CP: variants seen among roughly 807,000 people sequenced by gnomAD.
The protein encoded by CP is ceruloplasmin.
Under a neutral mutation model 122.4 loss-of-function variants are expected in CP, and 64 were observed. The ratio of observed to expected loss-of-function variants is 0.52; its 90% CI spans 0.43 to 0.64. The LOEUF is 0.64. CP is among the 30% of genes least tolerant of loss of function. The pLI is 0.00. For missense variants in CP, 1,167 were observed against 1,284.4 expected (o/e 0.91, Z 1.40); for synonymous variants, 440 against 436.4 (o/e 1.01, Z -0.10).
chr3:149,169,634 C>T (rs774609098), downstream of CP, among the ~76,000 whole-genome samples: 1 of 152,162 alleles, frequency 6.6e-6, no homozygotes, highest in Non-Finnish European at 1.5e-5. Flanking sequence ...TTATAACAAA[C>T]AAAAATGTCT....
chr3:149,183,356 A>G lies in CP; in HGVS notation c.2425+110T>C, dbSNP rs191173132. ...TAATTTTTAAATTTTTATTTGAACA[A>G]CTTTGATATATGAACCAAGAAAATG... On this transcript the variant is annotated intron_variant, in intron 13 of 18. Coordinates refer to ENST00000264613, the MANE Select transcript of CP (RefSeq NM_000096.4). 4.1e-3 allele frequency: 4,630 copies of G among 1,134,200 alleles called. 17 individuals are homozygous for G. Among genetic ancestry groups the G allele is most frequent in the Non-Finnish European group, 5.5e-3 (4,284 of 775,906 alleles). 70.3% of individuals were successfully genotyped at this position (1,134,200 alleles called of 1,614,324 possible). A position where few individuals can be genotyped will look rare whatever the true frequency, so the allele number is the denominator to read the frequency against.
At chr3:149,203,602 G>A (rs942825345) in intron 6 of CP, among the ~76,000 whole-genome samples, 9 of 152,184 alleles carry the variant, frequency 5.9e-5, no homozygotes, top group Non-Finnish European at 1.0e-4. Context: ...ACATGACATC[G>A]CAACAAAGTT....
downstream of CP, chr3:149,172,360 A>G (rs1049481742): frequency 7.4e-6 from 5 of 674,006 alleles, no homozygotes; most frequent in Admixed American, 9.1e-5. Context: ...ACACACATAT[A>G]TGATACAAAT....
At chr3:149,193,486 T>C (rs1273839402) in intron 9 of CP, among the ~76,000 whole-genome samples, 3 of 152,188 alleles carry the variant, frequency 2.0e-5, no homozygotes, top group Non-Finnish European at 4.4e-5. Context: ...ATAAAGCAAA[T>C]TGCAAACAAT....
chr3:149,185,195 C>T, intron 12 of CP, 44 bp downstream of exon 12: 2 of 1,601,884 alleles, frequency 1.2e-6, no homozygotes. Flanking sequence ...AAAAGGAAAC[C>T]TAAAATTACT....
chr3:149,184,445 A>T (rs778111539), intron 12 of CP, among the ~76,000 whole-genome samples: 4 of 152,200 alleles, frequency 2.6e-5, no homozygotes, highest in Non-Finnish European at 5.9e-5. Context: ...CTGCTGTCAA[A>T]CAGGTAACCA....
chr3:149,172,274 A>C, downstream of CP: 2 of 1,520,960 alleles, frequency 1.3e-6, no homozygotes, highest in Non-Finnish European at 1.8e-6. Flanking sequence ...ATTTCTAAAA[A>C]TTGAATGCCA....
At chr3:149,172,233 T>C (rs2108199278), downstream of CP, 1 of 1,611,130 alleles carries the variant, frequency 6.2e-7, no homozygotes, top group Admixed American at 1.7e-5. Context: ...AGGTATCATT[T>C]GAAAAATACC....
intron 6 of CP, among the ~76,000 whole-genome samples, chr3:149,202,783 A>T (rs1576766995): frequency 6.9e-6 from 1 of 144,336 alleles, no homozygotes; most frequent in African/African-American, 2.6e-5. Context: ...AATTTTTTGT[A>T]TTTCTTTAGT....
intron 4 of CP, among the ~76,000 whole-genome samples, chr3:149,166,385 T>C (rs1019612973): frequency 6.6e-6 from 1 of 152,096 alleles, no homozygotes; most frequent in Admixed American, 6.5e-5. Flanking sequence ...AAACAAAGAG[T>C]AGGCTTTGTT....
rs757188910 is a variant in CP, at chr3:149,207,499, G to A, written c.900C>T (p.His300=). Residue 300 remains histidine, a synonymous_variant, in exon 5 of 19, where the codon CAC becomes CAT. Coordinates refer to ENST00000264613, the MANE Select transcript of CP (RefSeq NM_000096.4). ...AGTTCTTGTTAGTCAGTGCTTGCCC[G>A]TGAAAGAAAGCTGCGTGCACATCAA... is the stretch of plus-strand genomic sequence containing the variant. ...NEVDVHAAFF[H]GQALTNKNYR... is the part of the protein sequence containing the mutation. 9.9e-6 allele frequency: 16 copies of A among 1,613,858 alleles called. No homozygotes were observed. The East Asian group carries it at 1.6e-4, about 16-fold the overall frequency.
intron 13 of CP, 127 bp from the exon 14 acceptor site, chr3:149,182,260 T>C: frequency 9.7e-7 from 1 of 1,028,690 alleles, no homozygotes; most frequent in Non-Finnish European, 1.5e-6. Flanking sequence ...GGATTTATAC[T>C]GCGTCCCAGG....
intron 6 of CP, 24 bp from the exon 7 acceptor site, chr3:149,202,265 A>G (rs1247392585): frequency 4.3e-6 from 7 of 1,613,914 alleles, no homozygotes; most frequent in East Asian, 2.2e-5. Flanking sequence ...AAAGTGTTTA[A>G]TGCTGGGGTT....
At chr3:149,197,803 C>A (rs764570195) in intron 9 of CP, among the ~76,000 whole-genome samples, 5 of 152,090 alleles carry the variant, frequency 3.3e-5, no homozygotes, top group Non-Finnish European at 7.4e-5. Flanking sequence ...AATCTGTTGC[C>A]GCCACTGATC....
downstream of CP, among the ~76,000 whole-genome samples, chr3:149,169,059 A>G (rs1480120804): frequency 7.0e-6 from 1 of 142,720 alleles, no homozygotes; most frequent in South Asian, 2.1e-4. Flanking sequence ...GTGTGTGTGT[A>G]TGGCTAATGA....
exon 6 of CP, chr3:149,162,761 A>AT: frequency 6.2e-7 from 1 of 1,614,022 alleles, no homozygotes; most frequent in Non-Finnish European, 8.5e-7. Flanking sequence ...AGCTAGTGGC[A>AT]TGTCTCCCAG....
Position 149,209,269 on chromosome 3 carries a change from T to C in CP, c.723A>G (p.Ser241=), listed in dbSNP as rs1212023100. The part of the protein sequence containing the change: ...YLEDNIKTYC[S]EPEKVDKDNE... The stretch of plus-strand genomic sequence containing the variant: ...TGTCTTTGTCAACTTTCTCTGGTTC[T>C]GAGCAGTAGGTTTTAATGTTGTCTT... Residue 241 remains serine, a synonymous_variant, in exon 4 of 19, where the codon TCA becomes TCG. Transcript: ENST00000264613. The C allele has an allele frequency of 6.2e-7, 1 of 1,613,744 alleles. No homozygotes were observed. The highest frequency in any genetic ancestry group is 8.5e-7 in the Non-Finnish European group (1 of 1,179,796).
At chr3:149,172,350 A>ACG (rs886058082), downstream of CP, 1,515 of 697,696 alleles carry the variant, frequency 2.2e-3, 13 homozygotes, top group Non-Finnish European at 2.6e-3. Flanking sequence ...ACACACACAC[A>ACG]CACACATATA....
At chr3:149,167,152 A>C (rs969561466) in intron 4 of CP, 1 of 1,613,820 alleles carries the variant, frequency 6.2e-7, no homozygotes. Context: ...CGCTTGAAAG[A>C]GTATGAACAG....
Sources: gnomAD v4.1 joint callset for allele counts (sites outside exome capture counted in the v4.1 genomes callset) on GRCh38, gnomAD v4.1.1 for gene constraint, MANE v1.5 for transcripts, NCBI Gene and HGNC (gene_info 2026-07-23, HGNC 2026-07-21) for gene names.